Variants in ZNF385D observed in about 807,000 individuals in gnomAD.
ZNF385D encodes the protein zinc finger protein 659.
ZNF385D carries 15 observed loss-of-function variants against 35.8 expected under a neutral mutation model. That is an observed-to-expected ratio of 0.42 (90% CI 0.28 to 0.64). The LOEUF is 0.64. Among genes scored for constraint, ZNF385D ranks in the 30% least tolerant of loss-of-function variants. The pLI is 0.23. For missense variants in ZNF385D, 474 were observed against 494.6 expected, an observed-to-expected ratio of 0.96 and a Z score of 0.39; for synonymous variants, 212 against 186.8, an observed-to-expected ratio of 1.13 and a Z score of -1.10.
rs1559856764 is a variant in ZNF385D at position 22,023,095 on chromosome 3, AT to A, written c.325+145721del. On this transcript the variant is annotated intron_variant, in intron 3 of 5. Coordinates refer to the ZNF385D transcript ENST00000494108. ...TCCTCCCTCCCTGAGGTCTTTTCTT[AT>A]TTTTATCCCCCTTACCCATGTCTTA... 2.0e-5 allele frequency among the ~76,000 whole-genome samples: 3 copies of A among 152,230 alleles called. No individual in the cohort carries two copies. The South Asian group carries it at 6.2e-4, about 32-fold the overall frequency.
chr3:21,746,734 C>G (rs137946560), intron 1 of ZNF385D, among the ~76,000 whole-genome samples: 1 of 152,322 alleles, frequency 6.6e-6, no homozygotes, highest in South Asian at 2.1e-4. Context: ...TAACAGATCA[C>G]TCAGTACAAA....
Position 22,366,706 on chromosome 3 carries a change from A to G in ZNF385D, c.106+5744T>C, listed in dbSNP as rs181379225. The stretch of plus-strand genomic sequence containing the variant: ...AATACATTAGTTCGTAATCCTTAGA[A>G]CCTGTAAATGATAACCTTATTTGGA... On this transcript the variant is annotated intron_variant, in intron 2 of 5. Coordinates refer to the ZNF385D transcript ENST00000494108. Among the ~76,000 whole-genome samples the G allele has an allele frequency of 3.1e-3, 478 of 152,206 alleles. 3 individuals carry two copies. Among genetic ancestry groups the G allele is most frequent in the African/African-American group, 0.011 (456 of 41,536 alleles).
intron 2 of ZNF385D, among the ~76,000 whole-genome samples, chr3:21,651,518 T>TTTTTC (rs924938707): frequency 6.6e-6 from 1 of 152,062 alleles, no homozygotes; most frequent in Non-Finnish European, 1.5e-5. Flanking sequence ...TGGTATTTTT[T>TTTTTC]TTTTCTTTCT....
intron 3 of ZNF385D, among the ~76,000 whole-genome samples, chr3:22,160,733 G>A (rs575373617): frequency 2.2e-4 from 33 of 152,046 alleles, no homozygotes; most frequent in Non-Finnish European, 4.0e-4. Flanking sequence ...TGCAGATAAA[G>A]CTGAATTATT....
chr3:22,007,167 T>C lies in ZNF385D; in HGVS notation c.325+161650A>G, dbSNP rs561469237. On this transcript the variant is annotated intron_variant, in intron 3 of 5. Coordinates refer to the ZNF385D transcript ENST00000494108. The stretch of plus-strand genomic sequence containing the variant: ...TCATCCATACACCTTCTACTCCATT[T>C]TCATCCATACCTATTAATAACCATT... Among the ~76,000 whole-genome samples, 20 of 152,332 alleles carry C rather than the reference T, an allele frequency of 1.3e-4. No homozygotes were observed. The East Asian group carries it at 3.7e-3, about 28-fold the overall frequency.
intron 2 of ZNF385D, among the ~76,000 whole-genome samples, chr3:22,201,945 C>G (rs143997325): frequency 3.8e-4 from 58 of 151,748 alleles, no homozygotes; most frequent in African/African-American, 1.4e-3. Context: ...TAAAGATCAA[C>G]AAGAAAAAAT....
rs1191900277 is a variant in ZNF385D, at chr3:21,414,704, A to T, written c.*6510T>A. ...GTAGATGATTGGTAGTGAAGCCAAC[A>T]ACTGTGTTCACTGTTCTGTGATGCT... On this transcript the variant is annotated 3_prime_UTR_variant, in exon 8 of 8. Transcript: ENST00000281523. 6.6e-6 allele frequency: 1 copy of T among 152,118 alleles called. No homozygotes were observed. Among genetic ancestry groups the T allele is most frequent in the African/African-American group, 2.4e-5 (1 of 41,438 alleles). The allele number at this position is 152,118 out of a possible 1,614,324, so 9.4% of individuals were successfully genotyped here.
chr3:21,944,131 A>G (rs1315592321), intron 3 of ZNF385D, among the ~76,000 whole-genome samples: 1 of 152,224 alleles, frequency 6.6e-6, no homozygotes, highest in Non-Finnish European at 1.5e-5. Context: ...AAATTCATAT[A>G]TACAGCACTC....
intron 2 of ZNF385D, among the ~76,000 whole-genome samples, chr3:21,568,425 C>A (rs2063222588): frequency 6.6e-6 from 1 of 152,076 alleles, no homozygotes; most frequent in South Asian, 2.1e-4. Flanking sequence ...AAAAGAAAGT[C>A]ATGTATATTG....
chr3:22,024,318 T>A (rs1338421810), intron 3 of ZNF385D, among the ~76,000 whole-genome samples: 2 of 152,006 alleles, frequency 1.3e-5, no homozygotes, highest in South Asian at 2.1e-4. Context: ...TATATATGTG[T>A]GCGTGTGTGT....
intron 1 of ZNF385D, among the ~76,000 whole-genome samples, chr3:21,748,890 G>T (rs2069914751): frequency 6.6e-6 from 1 of 152,088 alleles, no homozygotes; most frequent in Non-Finnish European, 1.5e-5. Flanking sequence ...GAAGTGTACT[G>T]CTCAATTCTT....
chr3:21,485,134 A>G (rs1246133583), intron 4 of ZNF385D, among the ~76,000 whole-genome samples: 1 of 152,198 alleles, frequency 6.6e-6, no homozygotes, highest in Non-Finnish European at 1.5e-5. Context: ...CTTTTGAACC[A>G]GAAACTTTCC....
chr3:21,969,797 G>C (rs1400238645), intron 3 of ZNF385D, among the ~76,000 whole-genome samples: 1 of 76,634 alleles, frequency 1.3e-5, no homozygotes, highest in Non-Finnish European at 2.5e-5. Flanking sequence ...AGTTCCAGTG[G>C]TGGTGGGTGG....
In ZNF385D at chr3:21,769,189, T is replaced by A. The variant is rs183158538; in HGVS notation, c.326-104161A>T. 9.2e-5 allele frequency among the ~76,000 whole-genome samples: 14 copies of A among 152,028 alleles called. No individual in the cohort carries two copies. In the East Asian group the frequency reaches 2.5e-3, roughly 27 times the overall value. ...AAACTGGCACAAGACAGGGATGCCCTCTCTCTCCACTCCTATTCAACATGG... is the reference window on the plus strand; with the variant it reads ...AAACTGGCACAAGACAGGGATGCCCACTCTCTCCACTCCTATTCAACATGG... On this transcript the variant is annotated intron_variant, in intron 3 of 5. Coordinates refer to the ZNF385D transcript ENST00000494108.
At chr3:22,120,746 A>G (rs1179444533) in intron 3 of ZNF385D, among the ~76,000 whole-genome samples, 1 of 152,096 alleles carries the variant, frequency 6.6e-6, no homozygotes, top group East Asian at 1.9e-4. Context: ...TAAAACAAAA[A>G]CCTCTATGAG....
chr3:21,560,638 G>A (rs2062908871), intron 3 of ZNF385D, among the ~76,000 whole-genome samples: 1 of 152,196 alleles, frequency 6.6e-6, no homozygotes, highest in Non-Finnish European at 1.5e-5. Context: ...CCCACTTGAG[G>A]AGGCAGTCTG....
At chr3:22,211,335 T>C (rs539736284) in intron 2 of ZNF385D, among the ~76,000 whole-genome samples, 2 of 151,944 alleles carry the variant, frequency 1.3e-5, no homozygotes. Context: ...GTAGCCACTT[T>C]TCTCATCCTA....
chr3:22,162,087 A>C (rs934220609), intron 3 of ZNF385D, among the ~76,000 whole-genome samples: 1 of 152,144 alleles, frequency 6.6e-6, no homozygotes, highest in Non-Finnish European at 1.5e-5. Flanking sequence ...TTCCCTTCTC[A>C]TTTCTTTTGC....
intron 2 of ZNF385D, among the ~76,000 whole-genome samples, chr3:22,294,633 T>C (rs905250643): frequency 2.0e-5 from 3 of 151,612 alleles, no homozygotes; most frequent in Non-Finnish European, 4.4e-5. Flanking sequence ...GAGACCAGAT[T>C]TGAATCCTGG....
Sources: allele counts gnomAD v4.1 joint callset (sites outside exome capture counted in the v4.1 genomes callset), GRCh38; gene constraint gnomAD v4.1.1; transcripts MANE v1.5; gene names NCBI Gene and HGNC (gene_info 2026-07-23, HGNC 2026-07-21).